Variants in KLHL25 observed in about 807,000 individuals in gnomAD.
The protein encoded by KLHL25 is kelch like family member 25, also known as kelch-like protein 25.
Under a neutral mutation model 30.0 loss-of-function variants are expected in KLHL25, and 41 were observed. The ratio of observed to expected loss-of-function variants is 1.37; its 90% confidence interval spans 1.07 to 1.78. The LOEUF (loss-of-function observed/expected upper bound fraction) is 1.78. Ranked by LOEUF, KLHL25 falls within the 40% of genes most tolerant of loss-of-function variation. The pLI is 0.00. For synonymous variants in KLHL25, 399 were observed against 355.3 expected, an observed-to-expected ratio of 1.12 and a Z score of -1.38; for missense variants, 971 against 824.5, an observed-to-expected ratio of 1.18 and a Z score of -2.18.
At chr15:85,785,043 A>C (rs139440439) in intron 1 of KLHL25, among the ~76,000 whole-genome samples, 13 of 152,176 alleles carry the variant, frequency 8.5e-5, no homozygotes, top group African/African-American at 3.1e-4. Context: ...CTGCATTTTC[A>C]ATTCCTGGAC....
rs530402061 is a variant in KLHL25 at position 85,770,089 on chromosome 15, C to G, written c.-10-269G>C. On this transcript the variant is annotated intron_variant, in intron 1 of 2. Coordinates refer to ENST00000337975, the MANE Select transcript of KLHL25 (RefSeq NM_022480.4). ...TCTCTGGCCTGCAGATGAGCCACCCCCTAGGCAAGCTCCAGTTGAGGCTGC... is the reference window on the plus strand; with the variant it reads ...TCTCTGGCCTGCAGATGAGCCACCCGCTAGGCAAGCTCCAGTTGAGGCTGC... 1.9e-3 allele frequency among the ~76,000 whole-genome samples: 291 copies of G among 152,354 alleles called. 3 individuals carry two copies. Among genetic ancestry groups the G allele is most frequent in the Middle Eastern group, 6.8e-3 (2 of 294 alleles).
intron 1 of KLHL25, among the ~76,000 whole-genome samples, chr15:85,792,387 C>A (rs2089823399): frequency 6.6e-6 from 1 of 152,222 alleles, no homozygotes. Context: ...GCATCTCAAT[C>A]AACCAATTCA....
chr15:85,789,917 C>A lies in KLHL25; in HGVS notation c.-11+4849G>T, dbSNP rs1454435254. 6.6e-6 allele frequency among the ~76,000 whole-genome samples: 1 copy of A among 152,174 alleles called. No homozygotes were observed. Among genetic ancestry groups the A allele is most frequent in the East Asian group, 1.9e-4 (1 of 5,200 alleles). On this transcript the variant is annotated intron_variant, in intron 1 of 2. Transcript: ENST00000337975. This position sits in a 1 kb window ranked among gnomAD's most constrained non-coding sequence, Gnocchi z 4.1. ...AGAGGCTCAAGGAGAACAGCCCCGT[C>A]CCTTTGGAGTTACTGGGAAAATCTG... is the stretch of plus-strand genomic sequence containing the variant.
At chr15:85,767,420 A>G (rs2089632380) in intron 2 of KLHL25, among the ~76,000 whole-genome samples, 1 of 152,114 alleles carries the variant, frequency 6.6e-6, no homozygotes, top group Admixed American at 6.5e-5. Flanking sequence ...ATCTTCATAC[A>G]TATCATCACT....
chr15:85,783,610 T>C (rs2089759501), intron 1 of KLHL25, among the ~76,000 whole-genome samples: 1 of 151,688 alleles, frequency 6.6e-6, no homozygotes, highest in Non-Finnish European at 1.5e-5. Flanking sequence ...GACTATCGCT[T>C]GAACCCAGGA....
Position 85,769,535 on chromosome 15 carries a change from G to T in KLHL25, c.276C>A (p.Asn92Lys), listed in dbSNP as rs761821011. 2 of 1,613,778 alleles carry T rather than the reference G, an allele frequency of 1.2e-6. No individual in the cohort carries two copies. The highest frequency in any genetic ancestry group is 1.7e-6 in the Non-Finnish European group (2 of 1,180,052). Residue 92 changes from asparagine (N) to lysine (K), a missense_variant, in exon 2 of 3, where the codon AAC becomes AAA. Asn to Lys is a moderately conservative substitution (Grantham distance 94, BLOSUM62 0). Transcript: ENST00000337975. ...SRDDTVNFQD[N>K]LHPEVLELLL... ...GCAGCTCCAGCACCTCCGGGTGCAG[G>T]TTGTCCTGGAAGTTGACAGTGTCAT... is the stretch of plus-strand genomic sequence containing the variant.
chr15:85,770,739 T>A (rs1257261062), intron 1 of KLHL25, among the ~76,000 whole-genome samples: 1 of 152,178 alleles, frequency 6.6e-6, no homozygotes, highest in East Asian at 1.9e-4. Context: ...GTCCCCCAGC[T>A]GACGCCAGGA....
chr15:85,787,678 G>A (rs1260691302), intron 1 of KLHL25, among the ~76,000 whole-genome samples: 2 of 152,198 alleles, frequency 1.3e-5, no homozygotes, highest in East Asian at 1.9e-4. Context: ...GAGAGGAAAT[G>A]ATGGTTTGGC....
Position 85,768,983 on chromosome 15 carries a change from G to T in KLHL25, c.828C>A (p.Ile276=). The change falls in exon 2 of 3, where the codon ATC becomes ATA. Residue 276 remains isoleucine (I), a synonymous_variant. Coordinates refer to ENST00000337975, the MANE Select transcript of KLHL25 (RefSeq NM_022480.4). ...TGGTGACCACGCCATCATTCTGCAG[G>T]ATCCTGGTCTTGCAGCGCAGGGCCT... ...MDEALRCKTR[I]LQNDGVVTSP... is the part of the protein sequence containing the mutation. 1.2e-6 allele frequency: 2 copies of T among 1,612,858 alleles called. No homozygotes were observed. The highest frequency in any genetic ancestry group is 1.7e-6 in the Non-Finnish European group (2 of 1,180,012).
At chr15:85,793,674 C>T (rs566794374) in intron 1 of KLHL25, among the ~76,000 whole-genome samples, 1 of 152,304 alleles carries the variant, frequency 6.6e-6, no homozygotes, top group South Asian at 2.1e-4. Flanking sequence ...AATCCTGCCT[C>T]CTCTCCTGGT....
chr15:85,771,121 A>G (rs557728403), intron 1 of KLHL25: 23 of 188,952 alleles, frequency 1.2e-4, no homozygotes, highest in Non-Finnish European at 2.4e-4. Flanking sequence ...CCCTCACCAG[A>G]GTCTCCATGC....
At chr15:85,771,201 G>GAAAAAAAAAAAAAAAAAA (rs55642980) in intron 1 of KLHL25, 1 of 118,004 alleles carries the variant, frequency 8.5e-6, no homozygotes. Flanking sequence ...AATTAAGCCT[G>GAAAAAAAAAAAAAAAAAA]AAAAAAAAAA....
intron 1 of KLHL25, among the ~76,000 whole-genome samples, chr15:85,779,693 C>G (rs1044334544): frequency 4.6e-5 from 7 of 152,202 alleles, no homozygotes; most frequent in African/African-American, 1.7e-4. Context: ...TCCTATTCTG[C>G]CCTCACTACT....
intron 1 of KLHL25, among the ~76,000 whole-genome samples, chr15:85,776,722 G>C (rs1050517259): frequency 1.3e-5 from 2 of 151,922 alleles, no homozygotes; most frequent in Non-Finnish European, 2.9e-5. Context: ...TCAGGAGATC[G>C]AGACCATCCT....
intron 1 of KLHL25, among the ~76,000 whole-genome samples, chr15:85,780,711 G>A (rs1424180087): frequency 6.6e-6 from 1 of 152,196 alleles, no homozygotes; most frequent in African/African-American, 2.4e-5. Flanking sequence ...GAATGAGAAT[G>A]CCTCTCAATT....
At chr15:85,775,676 G>A (rs1341724816) in intron 1 of KLHL25, among the ~76,000 whole-genome samples, 1 of 152,002 alleles carries the variant, frequency 6.6e-6, no homozygotes, top group Non-Finnish European at 1.5e-5. Context: ...TCAGCAAGCA[G>A]TGGCAGGAAA....
intron 2 of KLHL25, among the ~76,000 whole-genome samples, chr15:85,765,573 C>G (rs1432601011): frequency 6.9e-6 from 1 of 145,674 alleles, no homozygotes; most frequent in Non-Finnish European, 1.5e-5. Context: ...TTGCAGTGAG[C>G]AGAGATCGCA....
At chr15:85,771,431 G>A (rs570445533) in intron 1 of KLHL25, among the ~76,000 whole-genome samples, 3 of 152,352 alleles carry the variant, frequency 2.0e-5, no homozygotes, top group Non-Finnish European at 4.4e-5. Flanking sequence ...ATCTGGTAAA[G>A]GTAGGAAACG....
At position 85,769,056 on chromosome 15, in the gene KLHL25, C is replaced by T. The variant is rs142937016; in HGVS notation, c.755G>A (p.Ser252Asn). 4 of 1,606,916 alleles carry T rather than the reference C, an allele frequency of 2.5e-6. No homozygotes were observed. The African/African-American group carries it at 5.3e-5, about 21-fold the overall frequency. Residue 252 changes from serine (S) to asparagine (N), a missense_variant, in exon 2 of 3, where the codon AGC (serine) becomes AAC (asparagine). Transcript: ENST00000337975. ...CTCGTCTGCCATGAGGAGGGCCTCG[C>T]TGGAGACGGCCTCCTGCAGGCAGTC... is the stretch of plus-strand genomic sequence containing the variant. Reference protein sequence around the residue: ...PSDCLQEAVSSEALLMADERT... With the variant: ...PSDCLQEAVSNEALLMADERT...
Sources: allele counts gnomAD v4.1 joint callset (sites outside exome capture counted in the v4.1 genomes callset), GRCh38; gene constraint gnomAD v4.1.1; non-coding constraint Gnocchi (gnomAD v3.1); transcripts MANE v1.5; gene names NCBI Gene and HGNC (gene_info 2026-07-23, HGNC 2026-07-21).